Variants in ZNF420 observed in about 807,000 individuals in gnomAD.
The protein encoded by ZNF420 is ATM and p53-associated KZNF protein.
In ZNF420, 31 loss-of-function variants were observed where a neutral mutation model predicts 44.7. The ratio of observed to expected loss-of-function variants is 0.69; its 90% CI spans 0.52 to 0.94. The LOEUF (loss-of-function observed/expected upper bound fraction) is 0.94, where lower values mean the gene tolerates loss of function less well. ZNF420 is among the 40% of genes least tolerant of loss of function. The pLI, the probability that ZNF420 is intolerant of heterozygous loss-of-function variation, is 0.00. For missense variants in ZNF420, 681 were observed against 827.9 expected (o/e 0.82, Z 2.18); for synonymous variants, 245 against 267.4 (o/e 0.92, Z 0.82).
intron 1 of ZNF420, among the ~76,000 whole-genome samples, chr19:37,063,729 G>A (rs11668396): frequency 1.3e-5 from 2 of 152,062 alleles, no homozygotes; most frequent in African/African-American, 2.4e-5. Flanking sequence ...TCAAAATGCT[G>A]CATATTTCCT....
intron 1 of ZNF420, among the ~76,000 whole-genome samples, chr19:37,009,943 C>T (rs574874484): frequency 1.6e-3 from 244 of 152,242 alleles, no homozygotes; most frequent in Non-Finnish European, 1.7e-3. Flanking sequence ...ACTCCCTCGC[C>T]GCCCCCTACT....
chr19:37,101,124 ATT>A (rs916841044), intron 4 of ZNF420, among the ~76,000 whole-genome samples: 1 of 149,368 alleles, frequency 6.7e-6, no homozygotes, highest in African/African-American at 2.5e-5. Context: ...TATTTTGTTC[ATT>A]TGTTGAGCTC....
chr19:37,049,987 T>G (rs891311679), intron 1 of ZNF420, among the ~76,000 whole-genome samples: 25 of 152,266 alleles, frequency 1.6e-4, no homozygotes, highest in East Asian at 1.2e-3. Context: ...TTTCCCCATT[T>G]CTTGTTTTTG....
At chr19:37,053,655 G>T (rs978314855) in intron 1 of ZNF420, among the ~76,000 whole-genome samples, 2 of 152,208 alleles carry the variant, frequency 1.3e-5, no homozygotes, top group African/African-American at 2.4e-5. Flanking sequence ...GGTATCAGCA[G>T]TGGAGGCTGC....
intron 4 of ZNF420, among the ~76,000 whole-genome samples, chr19:37,116,741 G>C (rs1053704733): frequency 6.6e-6 from 1 of 152,154 alleles, no homozygotes; most frequent in African/African-American, 2.4e-5. Context: ...TGGAAAATTG[G>C]GTCACTCCCA....
At chr19:37,022,188 A>G (rs2074655142) in intron 1 of ZNF420, among the ~76,000 whole-genome samples, 1 of 151,490 alleles carries the variant, frequency 6.6e-6, no homozygotes, top group African/African-American at 2.4e-5. Context: ...ATAGGGGCAA[A>G]AAAATCTAAT....
intron 1 of ZNF420, among the ~76,000 whole-genome samples, chr19:37,056,057 T>C (rs144528165): frequency 0.013 from 1,993 of 152,050 alleles, 47 homozygotes; most frequent in African/African-American, 0.045. Context: ...GTGTCTCCCA[T>C]TCTCTCTTCT....
At chr19:37,029,562 T>G (rs1967216752) in intron 1 of ZNF420, among the ~76,000 whole-genome samples, 1 of 151,900 alleles carries the variant, frequency 6.6e-6, no homozygotes, top group Non-Finnish European at 1.5e-5. Flanking sequence ...TACTTTTTTT[T>G]TTTGAATCAA....
intron 1 of ZNF420, among the ~76,000 whole-genome samples, chr19:37,011,902 G>GC (rs1175266038): frequency 6.6e-6 from 1 of 152,140 alleles, no homozygotes; most frequent in Non-Finnish European, 1.5e-5. Flanking sequence ...CAGGGCTTTG[G>GC]AAGCGGAACA....
At chr19:37,065,884 A>C (rs373775817) in intron 1 of ZNF420, among the ~76,000 whole-genome samples, 2 of 152,212 alleles carry the variant, frequency 1.3e-5, no homozygotes, top group Admixed American at 6.5e-5. Flanking sequence ...GAACAACTTG[A>C]TATCCATACA....
chr19:37,060,433 C>T (rs1346358346), intron 1 of ZNF420, among the ~76,000 whole-genome samples: 1 of 152,200 alleles, frequency 6.6e-6, no homozygotes, highest in Non-Finnish European at 1.5e-5. Flanking sequence ...GTGCTGTATC[C>T]TGCCTGGGCT....
At chr19:37,012,221 GCTCCT>G (rs1004515275) in intron 1 of ZNF420, among the ~76,000 whole-genome samples, 16 of 152,208 alleles carry the variant, frequency 1.1e-4, no homozygotes, top group African/African-American at 3.9e-4. Flanking sequence ...AACGAAGCCC[GCTCCT>G]CGACCTTGGA....
rs1002146912 is a variant in ZNF420 at position 37,059,484 on chromosome 19, G to A, written c.-124-20861G>A. Among the ~76,000 whole-genome samples, 10 of 152,338 alleles carry A rather than the reference G, an allele frequency of 6.6e-5. No individual in the cohort carries two copies. In the East Asian group the frequency reaches 1.9e-3, roughly 29 times the overall value. On this transcript the variant is annotated intron_variant, in intron 1 of 4. Transcript: ENST00000587029. ...TTGGCTGTCGGGGCTCCGAGGCTCC[G>A]GCCTGACCTCTCCACGGGGTCGACA...
At chr19:37,039,289 C>G (rs930303568) in intron 1 of ZNF420, among the ~76,000 whole-genome samples, 1 of 152,198 alleles carries the variant, frequency 6.6e-6, no homozygotes, top group Admixed American at 6.5e-5. Context: ...GAATCATGAT[C>G]TATGGCAGCA....
chr19:37,018,883 T>G (rs2074626596), intron 1 of ZNF420, among the ~76,000 whole-genome samples: 1 of 152,210 alleles, frequency 6.6e-6, no homozygotes, highest in African/African-American at 2.4e-5. Context: ...GTTGAACTCT[T>G]AATGCCATAT....
In ZNF420 at chr19:37,087,290, A is replaced by ATAAAT. The variant is rs1555756783; in HGVS notation, c.-80-1749_-80-1748insTAAAT. Among the ~76,000 whole-genome samples, 358 of 83,446 alleles carry ATAAAT rather than the reference A, an allele frequency of 4.3e-3. 2 individuals are homozygous for ATAAAT. Among genetic ancestry groups the ATAAAT allele is most frequent in the Middle Eastern group, 0.032 (6 of 186 alleles). The allele number at this position is 83,446 out of a possible 152,430, so 54.7% of individuals were successfully genotyped here. On this transcript the variant is annotated intron_variant, in intron 2 of 4. Coordinates refer to ENST00000337995, the MANE Select transcript of ZNF420 (RefSeq NM_144689.5). Reference sequence around the variant, plus strand: ...AGAGTGAGACCCTGTCTCAAAAAAAAAAATAAATAAATAAATAAATAAATA... The same window carrying ATAAAT: ...AGAGTGAGACCCTGTCTCAAAAAAAATAAATAAATAAATAAATAAATAAATAAATA...
chr19:37,044,880 G>A (rs574335372), intron 1 of ZNF420, among the ~76,000 whole-genome samples: 10 of 152,162 alleles, frequency 6.6e-5, no homozygotes, highest in African/African-American at 1.4e-4. Flanking sequence ...GGGTTACTTT[G>A]TACTGTGAAC....
At chr19:37,064,003 AT>A (rs1967923673) in intron 1 of ZNF420, among the ~76,000 whole-genome samples, 1 of 152,058 alleles carries the variant, frequency 6.6e-6, no homozygotes, top group Admixed American at 6.6e-5. Flanking sequence ...AGTCTGAAGA[AT>A]TTCCTTCCAA....
At chr19:37,012,202 G>T (rs1729778617) in intron 1 of ZNF420, among the ~76,000 whole-genome samples, 1 of 152,156 alleles carries the variant, frequency 6.6e-6, no homozygotes, top group African/African-American at 2.4e-5. Flanking sequence ...GCCCGCAGTC[G>T]CCTCTCTCAA....
Sources: gnomAD v4.1 joint callset for allele counts (sites outside exome capture counted in the v4.1 genomes callset) on GRCh38, gnomAD v4.1.1 for gene constraint, MANE v1.5 for transcripts, NCBI Gene and HGNC (gene_info 2026-07-23, HGNC 2026-07-21) for gene names.